The following MTA3 variants were observed in gnomAD, a reference collection of about 807,000 sequenced individuals.
The protein encoded by MTA3 is metastasis associated 1 family member 3, also known as metastasis-associated protein MTA3.
MTA3 carries 34 observed loss-of-function variants against 83.5 expected under a neutral mutation model. That is an observed-to-expected ratio of 0.41 (90% CI 0.31 to 0.54). MTA3 has a LOEUF of 0.54. Ranked by LOEUF, MTA3 falls within the 20% of genes least tolerant of loss-of-function variation. The pLI is 0.33. For missense variants in MTA3, 761 were observed against 726.4 expected, an observed-to-expected ratio of 1.05 and a Z score of -0.55; for synonymous variants, 303 against 252.7, an observed-to-expected ratio of 1.20 and a Z score of -1.89.
chr2:42,596,651 T>C (rs1276533900), intron 3 of MTA3, among the ~76,000 whole-genome samples: 2 of 152,214 alleles, frequency 1.3e-5, no homozygotes, highest in Non-Finnish European at 2.9e-5. Context: ...TTAAAATTGA[T>C]GTCACATTGC....
chr2:42,613,536 A>G (rs1238583979), intron 4 of MTA3: 1 of 152,220 alleles, frequency 6.6e-6, no homozygotes, highest in Non-Finnish European at 1.5e-5. Flanking sequence ...GTCATGCCTT[A>G]TCTTTTTGGC....
chr2:42,677,213 C>T (rs1422170976), intron 8 of MTA3, among the ~76,000 whole-genome samples: 1 of 152,166 alleles, frequency 6.6e-6, no homozygotes, highest in Non-Finnish European at 1.5e-5. Flanking sequence ...CAAATCTCAT[C>T]CTGTAACTCA....
At chr2:42,662,291 G>C (rs1251202045) in intron 8 of MTA3, among the ~76,000 whole-genome samples, 1 of 151,858 alleles carries the variant, frequency 6.6e-6, no homozygotes, top group Non-Finnish European at 1.5e-5. Flanking sequence ...TTGTGAGCAT[G>C]TGTGTGAGTT....
At chr2:42,597,027 C>A (rs1278426297) in intron 3 of MTA3, among the ~76,000 whole-genome samples, 3 of 152,022 alleles carry the variant, frequency 2.0e-5, no homozygotes, top group Admixed American at 2.0e-4. Flanking sequence ...CCCTCAGCCT[C>A]CTGAGTAGCT....
chr2:42,530,255 C>T (rs1459399344), intron 2 of MTA3, among the ~76,000 whole-genome samples: 2 of 151,614 alleles, frequency 1.3e-5, no homozygotes, highest in Non-Finnish European at 2.9e-5. Context: ...TTTGGGAGGC[C>T]AAGACAGGCG....
intron 8 of MTA3, among the ~76,000 whole-genome samples, chr2:42,677,587 G>T (rs147957801): frequency 7.9e-5 from 12 of 151,814 alleles, no homozygotes; most frequent in African/African-American, 2.9e-4. Context: ...CAGGCAGTCC[G>T]CCTGCCTCAG....
At position 42,755,209 on chromosome 2, in the gene MTA3, T is replaced by A; in HGVS notation, c.*1810T>A. On this transcript the variant is annotated 3_prime_UTR_variant, in exon 17 of 17. Transcript: ENST00000405094. ...CTGTCTGTACCCTGCTCTGGATTTA[T>A]TGTCGTACTTGGACCCAGAAGGGGA... 1.0e-6 allele frequency: 1 copy of A among 985,526 alleles called. No individual in the cohort carries two copies. Among genetic ancestry groups the A allele is most frequent in the Non-Finnish European group, 1.2e-6 (1 of 829,962 alleles). 61.0% of individuals were successfully genotyped at this position (985,526 alleles called of 1,614,324 possible). A position where few individuals can be genotyped will look rare whatever the true frequency, so the allele number is the denominator to read the frequency against.
At chr2:42,630,333 AG>A (rs1162486852) in intron 4 of MTA3, among the ~76,000 whole-genome samples, 4 of 152,148 alleles carry the variant, frequency 2.6e-5, no homozygotes, top group Non-Finnish European at 5.9e-5. Context: ...GTTTCAGTGG[AG>A]GGGGATTTGT....
chr2:42,573,720 A>G (rs964989609), intron 2 of MTA3, among the ~76,000 whole-genome samples: 2 of 151,914 alleles, frequency 1.3e-5, no homozygotes, highest in Admixed American at 6.6e-5. Flanking sequence ...CATGTTGGCC[A>G]GGCTGGTCTC....
At chr2:42,748,017 T>C (rs1669569931) in intron 16 of MTA3, among the ~76,000 whole-genome samples, 1 of 152,044 alleles carries the variant, frequency 6.6e-6, no homozygotes, top group Non-Finnish European at 1.5e-5. Context: ...GATTCATTTA[T>C]ATTTTCTAGA....
intron 2 of MTA3, among the ~76,000 whole-genome samples, chr2:42,541,486 T>C (rs1231971856): frequency 6.6e-6 from 1 of 152,350 alleles, no homozygotes; most frequent in East Asian, 1.9e-4. Flanking sequence ...ATACATTCCA[T>C]GAGATAGTCA....
rs550484059 is a variant in MTA3 at position 42,708,088 on chromosome 2, T to C, written c.1302+34T>C. On this transcript the variant is annotated intron_variant, in intron 13 of 16. Coordinates refer to ENST00000405094, the MANE Select transcript of MTA3 (RefSeq NM_001330442.2). The stretch of plus-strand genomic sequence containing the variant: ...GTCTTTTTAGTGTTGAAAAATGGCA[T>C]GTTTTTAAATGGGTTGATTATTCCT... 2.5e-6 allele frequency: 4 copies of C among 1,570,240 alleles called. No individual in the cohort carries two copies. The East Asian group carries it at 9.0e-5, about 35-fold the overall frequency.
At chr2:42,639,913 TA>T (rs1687552091) in intron 4 of MTA3, among the ~76,000 whole-genome samples, 1 of 152,198 alleles carries the variant, frequency 6.6e-6, no homozygotes, top group African/African-American at 2.4e-5. Flanking sequence ...ACCTATAAAG[TA>T]TTGCATATTA....
chr2:42,514,682 C>CTGTTT (rs1675057151), intron 2 of MTA3, among the ~76,000 whole-genome samples: 1 of 53,492 alleles, frequency 1.9e-5, no homozygotes, highest in African/African-American at 8.5e-5. Context: ...CGCCCAGCCC[C>CTGTTT]TTTTTTTTTT....
intron 2 of MTA3, among the ~76,000 whole-genome samples, chr2:42,508,907 T>C (rs1315212085): frequency 6.7e-6 from 1 of 148,600 alleles, no homozygotes; most frequent in Non-Finnish European, 1.5e-5. Flanking sequence ...ATACAACATA[T>C]AGTATATATG....
intron 2 of MTA3, among the ~76,000 whole-genome samples, chr2:42,577,262 C>G (rs900668248): frequency 5.9e-5 from 9 of 151,404 alleles, no homozygotes; most frequent in African/African-American, 2.2e-4. Context: ...CAGAAGAATG[C>G]TGGAGAGGGT....
intron 14 of MTA3, among the ~76,000 whole-genome samples, chr2:42,711,783 A>AGTGTGTGTGTGTGTGTGTGTGTGT (rs763894802): frequency 6.8e-6 from 1 of 147,734 alleles, no homozygotes; most frequent in African/African-American, 2.5e-5. Context: ...AGAGAGAGAG[A>AGTGTGTGTGTGTGTGTGTGTGTGT]GTGTGTGTGT....
chr2:42,542,612 C>T (rs926612606), intron 2 of MTA3, among the ~76,000 whole-genome samples: 14 of 152,202 alleles, frequency 9.2e-5, no homozygotes, highest in African/African-American at 2.9e-4. Flanking sequence ...AGTGTAGTGG[C>T]ATGACCTTAG....
rs111902516 is a variant in MTA3, at chr2:42,594,176, T to C, written c.190+14976T>C. ...TATGTTGGCCAGGCTGGTCTTGAAC[T>C]CCTGACTTCAGATGATCCACCTGCC... On this transcript the variant is annotated intron_variant, in intron 3 of 16. Coordinates refer to ENST00000405094, the MANE Select transcript of MTA3 (RefSeq NM_001330442.2). Among the ~76,000 whole-genome samples, 1,305 of 151,026 alleles carry C rather than the reference T, an allele frequency of 8.6e-3. 23 individuals are homozygous for C. Among genetic ancestry groups the C allele is most frequent in the African/African-American group, 0.03 (1,239 of 41,142 alleles).
Sources: gnomAD v4.1 joint callset for allele counts (sites outside exome capture counted in the v4.1 genomes callset) on GRCh38, gnomAD v4.1.1 for gene constraint, MANE v1.5 for transcripts, NCBI Gene and HGNC (gene_info 2026-07-23, HGNC 2026-07-21) for gene names.